C12orf42: variants seen among roughly 807,000 people sequenced by gnomAD.
The protein encoded by C12orf42 is uncharacterized protein C12orf42.
In C12orf42, 25 loss-of-function variants were observed where a neutral mutation model predicts 21.6. The observed-to-expected ratio is 1.16, with a 90% CI of 0.84 to 1.62. The LOEUF is 1.62. C12orf42 is among the 40% of genes most tolerant of loss of function. The probability of loss-of-function intolerance (pLI) is 0.00; values close to 1 mark genes in which losing one functional copy is unlikely to be tolerated. For missense variants in C12orf42, 483 were observed against 459.3 expected, an observed-to-expected ratio of 1.05 and a Z score of -0.47; for synonymous variants, 174 against 175.0, an observed-to-expected ratio of 0.99 and a Z score of 0.05.
the C12orf42 span, among the ~76,000 whole-genome samples, chr12:103,211,905 C>T: frequency 6.6e-6 from 1 of 152,090 alleles, no homozygotes; most frequent in Non-Finnish European, 1.5e-5. Flanking sequence ...TGTTTGAAAG[C>T]ATTTTTTTAA....
chr12:103,079,140 C>A, the C12orf42 span, among the ~76,000 whole-genome samples: 1 of 152,034 alleles, frequency 6.6e-6, no homozygotes, highest in African/African-American at 2.4e-5. Flanking sequence ...CTTTTGATAT[C>A]AAAAAGTTTA....
the C12orf42 span, among the ~76,000 whole-genome samples, chr12:103,221,545 A>G: frequency 0.46 from 70,669 of 152,044 alleles, 16,749 homozygotes; most frequent in East Asian, 0.59. Flanking sequence ...AGACCCTGAA[A>G]GACAAAGACT....
the C12orf42 span, among the ~76,000 whole-genome samples, chr12:103,195,203 G>A: frequency 6.6e-6 from 1 of 152,132 alleles, no homozygotes; most frequent in Non-Finnish European, 1.5e-5. Context: ...CCACTGATGG[G>A]CATCTATGTT....
the C12orf42 span, among the ~76,000 whole-genome samples, chr12:103,226,827 G>A: frequency 5.3e-5 from 8 of 152,118 alleles, no homozygotes; most frequent in Non-Finnish European, 7.4e-5. Context: ...GGGGACAGGC[G>A]GGAGGGAAAG....
intron 10 of C12orf42, among the ~76,000 whole-genome samples, chr12:103,255,847 C>T (rs1022889181): frequency 1.3e-5 from 2 of 150,406 alleles, no homozygotes; most frequent in African/African-American, 4.9e-5. Context: ...GTCAGGAGAT[C>T]GACACCATCC....
chr12:103,266,706 T>C (rs1314249905), downstream of C12orf42, among the ~76,000 whole-genome samples: 1 of 152,152 alleles, frequency 6.6e-6, no homozygotes, highest in Non-Finnish European at 1.5e-5. Context: ...TATTTAAACT[T>C]TTTAATTTGT....
At chr12:103,234,809 T>G (rs192706055), downstream of C12orf42, among the ~76,000 whole-genome samples, 3 of 152,268 alleles carry the variant, frequency 2.0e-5, no homozygotes, top group Admixed American at 2.0e-4. Context: ...ATACAGCACT[T>G]ACTTTATTGC....
the C12orf42 span, among the ~76,000 whole-genome samples, chr12:103,198,701 C>T: frequency 1.4e-4 from 21 of 152,328 alleles, no homozygotes; most frequent in Admixed American, 2.6e-4. Context: ...TGTGCTACTC[C>T]ACACCTGCTT....
intron 4 of C12orf42, among the ~76,000 whole-genome samples, chr12:103,334,511 T>G (rs145313554): frequency 3.9e-5 from 6 of 152,120 alleles, no homozygotes; most frequent in Admixed American, 3.3e-4. Flanking sequence ...AAAATTACGC[T>G]GTGGCTTTAT....
chr12:103,522,657 T>C, the C12orf42 span, among the ~76,000 whole-genome samples: 5 of 152,158 alleles, frequency 3.3e-5, no homozygotes, highest in Non-Finnish European at 7.4e-5. Context: ...TATTTCGAGG[T>C]ATATTCTGCA....
intron 10 of C12orf42, among the ~76,000 whole-genome samples, chr12:103,246,639 A>G (rs751835315): frequency 5.3e-5 from 8 of 152,090 alleles, no homozygotes; most frequent in Non-Finnish European, 1.0e-4. Context: ...CCGTGCAAAG[A>G]TTTAATATCT....
chr12:103,176,964 T>TA, the C12orf42 span, among the ~76,000 whole-genome samples: 900 of 147,432 alleles, frequency 6.1e-3, 4 homozygotes, highest in African/African-American at 0.02. Context: ...AAGCCAGCCA[T>TA]AAAAAAAAAA....
At chr12:103,402,801 G>A (rs2048119833) in intron 2 of C12orf42, among the ~76,000 whole-genome samples, 1 of 152,220 alleles carries the variant, frequency 6.6e-6, no homozygotes, top group African/African-American at 2.4e-5. Flanking sequence ...TACCATGACT[G>A]AAGGATGTTG....
chr12:103,224,268 AG>A, the C12orf42 span, among the ~76,000 whole-genome samples: 1 of 152,086 alleles, frequency 6.6e-6, no homozygotes, highest in Non-Finnish European at 1.5e-5. Context: ...ATAATCCCTG[AG>A]GAGTAGTAGA....
At chr12:103,430,858 C>A (rs1356585692) in intron 2 of C12orf42, among the ~76,000 whole-genome samples, 1 of 152,118 alleles carries the variant, frequency 6.6e-6, no homozygotes, top group Non-Finnish European at 1.5e-5. Flanking sequence ...CAAACTAACA[C>A]AGGAACAGAA....
intron 3 of C12orf42, among the ~76,000 whole-genome samples, chr12:103,390,445 T>C (rs1351606867): frequency 6.6e-6 from 1 of 152,206 alleles, no homozygotes; most frequent in Admixed American, 6.5e-5. Flanking sequence ...TCCATTAATC[T>C]ATAACTCCCA....
intron 10 of C12orf42, among the ~76,000 whole-genome samples, chr12:103,244,753 T>C (rs1446017904): frequency 2.0e-5 from 3 of 152,032 alleles, no homozygotes; most frequent in Non-Finnish European, 4.4e-5. Flanking sequence ...TTACTTTCTT[T>C]TCTCACTTCC....
At position 103,281,915 on chromosome 12, in the gene C12orf42, A is replaced by AAAAGAAAGAAAGAAAGAAAG. The variant is rs3063699; in HGVS notation, n.338-4725_338-4706dup. Reference sequence around the variant, plus strand: ...AAAGAAAGAAAGAAAAGAAGAAAGAAAAAGAAAGAAAGAAAGAAAGAAAGA... The same window carrying AAAAGAAAGAAAGAAAGAAAG: ...AAAGAAAGAAAGAAAAGAAGAAAGAAAAAGAAAGAAAGAAAGAAAGAAAGAAAGAAAGAAAGAAAGAAAGA... On this transcript the variant is annotated intron_variant and non_coding_transcript_variant, in intron 4 of 6. Coordinates refer to the C12orf42 transcript ENST00000546526. Among the ~76,000 whole-genome samples, 324 of 141,938 alleles carry AAAAGAAAGAAAGAAAGAAAG rather than the reference A, an allele frequency of 2.3e-3. 2 individuals are homozygous for AAAAGAAAGAAAGAAAGAAAG. Among genetic ancestry groups the AAAAGAAAGAAAGAAAGAAAG allele is most frequent in the Admixed American group, 4.1e-3 (56 of 13,786 alleles). The allele number at this position is 141,938 out of a possible 152,430, so 93.1% of individuals were successfully genotyped here. A position where few individuals can be genotyped will look rare whatever the true frequency, so the allele number is the denominator to read the frequency against.
chr12:103,135,476 G>T, the C12orf42 span, among the ~76,000 whole-genome samples: 2 of 150,036 alleles, frequency 1.3e-5, no homozygotes, highest in African/African-American at 4.9e-5. Flanking sequence ...AAAAGAAAAA[G>T]AAAAAGAAAG....
Sources: gnomAD v4.1 joint callset for allele counts (sites outside exome capture counted in the v4.1 genomes callset) on GRCh38, gnomAD v4.1.1 for gene constraint, MANE v1.5 for transcripts, NCBI Gene and HGNC (gene_info 2026-07-23, HGNC 2026-07-21) for gene names.